ANOS1: variants seen among roughly 807,000 people sequenced by gnomAD.
ANOS1 encodes anosmin-1.
A neutral mutation model predicts 59.0 loss-of-function variants in ANOS1; 6 were observed. The observed-to-expected ratio is 0.10, with a 90% CI of 0.06 to 0.20. ANOS1 has a LOEUF of 0.20. Among genes scored for constraint, ANOS1 ranks in the 10% least tolerant of loss-of-function variants. ANOS1 has a pLI of 1.00. For synonymous variants in ANOS1, 217 were observed against 223.4 expected (o/e 0.97, Z 0.25); for missense variants, 433 against 542.3 (o/e 0.80, Z 2.00).
intron 2 of ANOS1, among the ~76,000 whole-genome samples, chrX:8,629,375 T>C (rs1273493697): frequency 2.7e-5 from 3 of 112,216 alleles, no homozygotes; most frequent in African/African-American, 9.7e-5. Context: ...ATTGAACCCA[T>C]GCTTTAGCAC....
At chrX:8,690,052 A>G (rs1380568510) in intron 2 of ANOS1, among the ~76,000 whole-genome samples, 1 of 112,545 alleles carries the variant, frequency 8.9e-6, no homozygotes, top group East Asian at 2.8e-4. Flanking sequence ...TAAGGAAATA[A>G]TAGAATATTT....
chrX:8,682,931 T>C (rs1016158737), intron 2 of ANOS1, among the ~76,000 whole-genome samples: 1 of 111,564 alleles, frequency 9.0e-6, no homozygotes, highest in Non-Finnish European at 1.9e-5. Context: ...CGGACCATCA[T>C]CTACTGGAAT....
In ANOS1 at chrX:8,663,063, G is replaced by C. The variant is rs59121675; in HGVS notation, c.255+36635C>G. 1.4e-3 allele frequency among the ~76,000 whole-genome samples: 161 copies of C among 111,233 alleles called. 1 individual carries two copies. Among genetic ancestry groups the C allele is most frequent in the African/African-American group, 5.1e-3 (156 of 30,628 alleles). On this transcript the variant is annotated intron_variant, in intron 2 of 13. Transcript: ENST00000262648. The stretch of plus-strand genomic sequence containing the variant: ...AAATAAAATAAAATAAAGATGTGGA[G>C]ACATAGGAAGAACATCTACAAGCCA...
chrX:8,640,501 T>C (rs1318345958), intron 2 of ANOS1, among the ~76,000 whole-genome samples: 1 of 106,185 alleles, frequency 9.4e-6, no homozygotes, highest in Admixed American at 1.1e-4. Flanking sequence ...TCCTTTCTTA[T>C]AGGCTGAGGC....
At chrX:8,711,270 C>T (rs930360715) in intron 1 of ANOS1, among the ~76,000 whole-genome samples, 1 of 112,564 alleles carries the variant, frequency 8.9e-6, no homozygotes, top group African/African-American at 3.2e-5. Context: ...ATTCTACATC[C>T]TGAGAATGGC....
intron 2 of ANOS1, among the ~76,000 whole-genome samples, chrX:8,685,658 A>AAGAAAGAAAGAG (rs1278773136): frequency 8.3e-5 from 8 of 96,963 alleles, no homozygotes; most frequent in Admixed American, 1.1e-4. Flanking sequence ...GAAAGAAAGA[A>AAGAAAGAAAGAG]AAAGAAAGGA....
Position 8,731,985 on chromosome X carries a change from C to T in ANOS1, c.52G>A (p.Ala18Thr). The T allele has an allele frequency of 9.1e-7, 1 of 1,099,961 alleles. No homozygotes were observed. Among genetic ancestry groups the T allele is most frequent in the Non-Finnish European group, 1.2e-6 (1 of 844,298 alleles). The allele number at this position is 1,099,961 out of a possible 1,213,427, so 90.6% of individuals were successfully genotyped here. The change falls in exon 1 of 14, where the codon GCC (alanine) becomes ACC (threonine). Residue 18 changes from alanine (A) to threonine (T), a missense_variant. Coordinates refer to ENST00000262648, the MANE Select transcript of ANOS1 (RefSeq NM_000216.4). ...AVLTLCLWLAASSGCLAAGPG... is the reference protein window; with the variant it reads ...AVLTLCLWLATSSGCLAAGPG... ...CCGGCCGCCAGGCAGCCGCTGGAGGCCGCCAGCCAGAGGCAGAGGGTCAGG... is the reference window on the plus strand; with the variant it reads ...CCGGCCGCCAGGCAGCCGCTGGAGGTCGCCAGCCAGAGGCAGAGGGTCAGG...
At chrX:8,654,241 A>T (rs6638848) in intron 2 of ANOS1, among the ~76,000 whole-genome samples, 20 of 112,165 alleles carry the variant, frequency 1.8e-4, no homozygotes, top group African/African-American at 5.2e-4. Flanking sequence ...ACAATACTTC[A>T]GTATAAACAA....
chrX:8,730,162 C>G (rs1932959155), intron 1 of ANOS1, among the ~76,000 whole-genome samples: 1 of 111,941 alleles, frequency 8.9e-6, no homozygotes, highest in African/African-American at 3.2e-5. Flanking sequence ...AAAAGGTACT[C>G]TTTCTCCCTG....
rs958953971 is a variant in ANOS1, at chrX:8,653,780, T to C, written c.256-30110A>G. Reference sequence around the variant, plus strand: ...GGGAGTTTCATGTGGGCATGGTATGTGTCTGTCTTTTCACCCTATGGTCCA... The same window carrying C: ...GGGAGTTTCATGTGGGCATGGTATGCGTCTGTCTTTTCACCCTATGGTCCA... On this transcript the variant is annotated intron_variant, in intron 2 of 13. Coordinates refer to ENST00000262648, the MANE Select transcript of ANOS1 (RefSeq NM_000216.4). Among the ~76,000 whole-genome samples the C allele has an allele frequency of 1.7e-4, 19 of 112,054 alleles. No homozygotes were observed. The South Asian group carries it at 4.2e-3, about 25-fold the overall frequency.
intron 4 of ANOS1, among the ~76,000 whole-genome samples, chrX:8,591,951 G>A (rs931306539): frequency 8.9e-6 from 1 of 112,339 alleles, no homozygotes; most frequent in African/African-American, 3.2e-5. Context: ...ATTTACAAAC[G>A]TTATCGTATG....
chrX:8,638,052 AG>A (rs1931601114), intron 2 of ANOS1, among the ~76,000 whole-genome samples: 2 of 111,641 alleles, frequency 1.8e-5, no homozygotes, highest in Non-Finnish European at 3.8e-5. Context: ...GAGGGCTCAG[AG>A]CAAGCAGGAG....
chrX:8,695,306 C>T lies in ANOS1; in HGVS notation c.255+4392G>A, dbSNP rs150372654. Among the ~76,000 whole-genome samples the T allele has an allele frequency of 2.7e-3, 301 of 111,712 alleles. 2 individuals carry two copies. The highest frequency in any genetic ancestry group is 9.1e-3 in the African/African-American group (281 of 30,712). ...CAGCTTGGCACACAGAGCGAGATTC[C>T]GTCTCTAAATTAATAAATAAATGGT... is the stretch of plus-strand genomic sequence containing the variant. On this transcript the variant is annotated intron_variant, in intron 2 of 13. Transcript: ENST00000262648.
intron 8 of ANOS1, among the ~76,000 whole-genome samples, chrX:8,567,114 C>T (rs769779013): frequency 5.4e-5 from 6 of 111,948 alleles, no homozygotes; most frequent in South Asian, 7.5e-4. Context: ...CAGTTCTAAC[C>T]GGTATCGACG....
chrX:8,648,816 TTTCTATA>T (rs1383591632), intron 2 of ANOS1, among the ~76,000 whole-genome samples: 2 of 112,227 alleles, frequency 1.8e-5, no homozygotes, highest in Non-Finnish European at 3.7e-5. Context: ...ACTTTCTATC[TTTCTATA>T]ATTCCGTTGA....
intron 1 of ANOS1, among the ~76,000 whole-genome samples, chrX:8,712,425 G>C (rs961758862): frequency 8.9e-6 from 1 of 112,327 alleles, no homozygotes; most frequent in Non-Finnish European, 1.9e-5. Flanking sequence ...TCAACATATG[G>C]AGTTAGAGGT....
At chrX:8,700,161 A>C (rs759597532) in intron 1 of ANOS1, among the ~76,000 whole-genome samples, 1 of 112,153 alleles carries the variant, frequency 8.9e-6, no homozygotes, top group East Asian at 2.8e-4. Flanking sequence ...ATTGGGAGAA[A>C]GATCTTGTAT....
intron 9 of ANOS1, among the ~76,000 whole-genome samples, chrX:8,547,909 G>T (rs1929795334): frequency 9.0e-6 from 1 of 111,169 alleles, no homozygotes; most frequent in South Asian, 3.8e-4. Flanking sequence ...TAGAGACGGG[G>T]TTTCACCATA....
chrX:8,650,543 C>T (rs1931834529), intron 2 of ANOS1, among the ~76,000 whole-genome samples: 1 of 111,835 alleles, frequency 8.9e-6, no homozygotes, highest in Admixed American at 9.5e-5. Context: ...CATGGTGAAA[C>T]GTCGTCTCTA....
Sources: allele counts gnomAD v4.1 joint callset (sites outside exome capture counted in the v4.1 genomes callset), GRCh38; gene constraint gnomAD v4.1.1; transcripts MANE v1.5; gene names NCBI Gene and HGNC (gene_info 2026-07-23, HGNC 2026-07-21).